The following ADGRL3 variants were observed in gnomAD, a reference collection of about 807,000 sequenced individuals.
ADGRL3 encodes calcium-independent alpha-latrotoxin receptor 3.
A neutral mutation model predicts 153.5 loss-of-function variants in ADGRL3; 62 were observed. The observed-to-expected ratio is 0.40, with a 90% CI of 0.33 to 0.50. ADGRL3 has a LOEUF of 0.50. Among genes scored for constraint, ADGRL3 ranks in the 20% least tolerant of loss-of-function variants. The pLI is 0.47. For missense variants in ADGRL3, 1,641 were observed against 1,859.4 expected (o/e 0.88, Z 2.16); for synonymous variants, 710 against 672.5 (o/e 1.06, Z -0.86).
intron 8 of ADGRL3, among the ~76,000 whole-genome samples, chr4:61,780,163 G>A (rs2097198244): frequency 6.6e-6 from 1 of 152,192 alleles, no homozygotes; most frequent in African/African-American, 2.4e-5. Context: ...AAGCACATCA[G>A]TTTGTTTTAG....
intron 1 of ADGRL3, among the ~76,000 whole-genome samples, chr4:61,205,637 A>G (rs1736788165): frequency 6.6e-6 from 1 of 152,226 alleles, no homozygotes; most frequent in Non-Finnish European, 1.5e-5. Flanking sequence ...ATTTCTTCAT[A>G]GAATAACCAA....
chr4:61,838,691 A>G (rs1427251907), intron 9 of ADGRL3, among the ~76,000 whole-genome samples: 1 of 152,224 alleles, frequency 6.6e-6, no homozygotes, highest in Non-Finnish European at 1.5e-5. Context: ...TATCATAAGA[A>G]AAATCATAAT....
At chr4:61,869,347 C>G (rs2098421748) in intron 9 of ADGRL3, among the ~76,000 whole-genome samples, 1 of 151,916 alleles carries the variant, frequency 6.6e-6, no homozygotes, top group Admixed American at 6.6e-5. Context: ...GCCTGTAATC[C>G]CAGCACTTTG....
intron 25 of ADGRL3, among the ~76,000 whole-genome samples, chr4:62,046,791 C>G (rs1249872809): frequency 6.6e-6 from 1 of 151,848 alleles, no homozygotes; most frequent in South Asian, 2.1e-4. Context: ...ATTTCTTAGT[C>G]CCCCTCAAGT....
chr4:61,773,907 A>G (rs1041262894), intron 8 of ADGRL3, among the ~76,000 whole-genome samples: 1 of 152,322 alleles, frequency 6.6e-6, no homozygotes, highest in Middle Eastern at 3.4e-3. Context: ...TTGTAAGGGC[A>G]GCAAATTGTG....
chr4:61,924,023 AC>A (rs2098782815), intron 13 of ADGRL3, among the ~76,000 whole-genome samples: 1 of 151,712 alleles, frequency 6.6e-6, no homozygotes, highest in Non-Finnish European at 1.5e-5. Flanking sequence ...GCCGTTGTCA[AC>A]CCCTCTCCTC....
At chr4:61,619,596 T>A (rs564920172) in intron 5 of ADGRL3, among the ~76,000 whole-genome samples, 1 of 152,176 alleles carries the variant, frequency 6.6e-6, no homozygotes, top group African/African-American at 2.4e-5. Flanking sequence ...TTGTTATACT[T>A]TCGATTTACA....
chr4:61,438,739 G>A (rs1231674061), intron 2 of ADGRL3, among the ~76,000 whole-genome samples: 4 of 142,024 alleles, frequency 2.8e-5, no homozygotes, highest in African/African-American at 5.3e-5. Context: ...ACGGAGTCTC[G>A]CTCTGTCGCC....
chr4:61,724,172 TATA>T (rs1481418123), intron 6 of ADGRL3, among the ~76,000 whole-genome samples: 1 of 152,220 alleles, frequency 6.6e-6, no homozygotes, highest in African/African-American at 2.4e-5. Flanking sequence ...GTGGTTATCA[TATA>T]GTAGTAACAA....
Position 61,583,571 on chromosome 4 carries a change from T to C in ADGRL3, c.260-3656T>C, listed in dbSNP as rs189415137. The C allele has an allele frequency of 5.9e-4, 285 of 482,860 alleles. 1 individual carries two copies. Among genetic ancestry groups the C allele is most frequent in the African/African-American group, 5.5e-3 (268 of 48,378 alleles). The allele number at this position is 482,860 out of a possible 1,614,324, so 29.9% of individuals were successfully genotyped here. A position where few individuals can be genotyped will look rare whatever the true frequency, so the allele number is the denominator to read the frequency against. On this transcript the variant is annotated intron_variant, in intron 4 of 26. Transcript: ENST00000683033. ...TTATGTGCTTTCCTCACAGTTAATA[T>C]GTGATCAAAAGCACTTTTCACTAGC...
Position 61,711,495 on chromosome 4 carries a change from C to CACACAT in ADGRL3, c.584-19122_584-19121insTACACA, listed in dbSNP as rs1554009900. Among the ~76,000 whole-genome samples, 147 of 87,310 alleles carry CACACAT rather than the reference C, an allele frequency of 1.7e-3. 3 individuals are homozygous for CACACAT. Among genetic ancestry groups the CACACAT allele is most frequent in the Middle Eastern group, 6.5e-3 (1 of 154 alleles). The allele number at this position is 87,310 out of a possible 152,430, so 57.3% of individuals were successfully genotyped here. A position where few individuals can be genotyped will look rare whatever the true frequency, so the allele number is the denominator to read the frequency against. On this transcript the variant is annotated intron_variant, in intron 6 of 26. Coordinates refer to ENST00000683033, the MANE Select transcript of ADGRL3 (RefSeq NM_001387552.1). ...ATATATATATATATATATATATACA[C>CACACAT]ACACACACACACACACACAATAGCA... is the stretch of plus-strand genomic sequence containing the variant.
chr4:61,282,244 C>G (rs1255741655), intron 1 of ADGRL3, among the ~76,000 whole-genome samples: 4 of 151,984 alleles, frequency 2.6e-5, no homozygotes, highest in Non-Finnish European at 1.5e-5. Context: ...TTCATTCTTT[C>G]TCTAAAGTAT....
intron 1 of ADGRL3, among the ~76,000 whole-genome samples, chr4:61,355,208 G>T (rs2096140447): frequency 6.6e-6 from 1 of 152,050 alleles, no homozygotes; most frequent in African/African-American, 2.4e-5. Flanking sequence ...AATGCTGTCA[G>T]GTTCAAGTAA....
intron 5 of ADGRL3, among the ~76,000 whole-genome samples, chr4:61,655,786 T>G (rs558009921): frequency 1.3e-5 from 2 of 152,286 alleles, no homozygotes; most frequent in Admixed American, 1.3e-4. Flanking sequence ...CCAAATAAGA[T>G]TTGTTTTAGT....
In ADGRL3 at chr4:61,892,722, C is replaced by G; in HGVS notation, c.1547C>G (p.Thr516Ser). ...TTTSTTLRTT[T>S]LSPGRSTTPS... ...ACCAGTACCACCCTTCGGACCACAA[C>G]TTTGAGCCCAGGAAGGAGTACCACC... is the stretch of plus-strand genomic sequence containing the variant. The change falls in exon 10 of 27, where the codon ACT becomes AGT. Residue 516 changes from threonine to serine, a missense_variant. By Grantham distance (58) the Thr-to-Ser change is moderately conservative. Transcript: ENST00000683033. 1 of 1,613,926 alleles carries G rather than the reference C, an allele frequency of 6.2e-7. No homozygotes were observed. The highest frequency in any genetic ancestry group is 8.5e-7 in the Non-Finnish European group (1 of 1,179,842).
chr4:61,326,544 T>C (rs2095469432), intron 1 of ADGRL3, among the ~76,000 whole-genome samples: 1 of 151,746 alleles, frequency 6.6e-6, no homozygotes, highest in South Asian at 2.1e-4. Context: ...AATTTAATAT[T>C]GTGATTTTTT....
chr4:61,817,008 G>C (rs2097695479), intron 9 of ADGRL3, among the ~76,000 whole-genome samples: 1 of 152,132 alleles, frequency 6.6e-6, no homozygotes, highest in Non-Finnish European at 1.5e-5. Flanking sequence ...AACCTGACTG[G>C]GTGTGCATGT....
chr4:61,712,840 C>G (rs1453344085), intron 6 of ADGRL3, among the ~76,000 whole-genome samples: 3 of 152,096 alleles, frequency 2.0e-5, no homozygotes, highest in Admixed American at 1.3e-4. Context: ...CTTGATATGA[C>G]TCTCTCTGTA....
At chr4:61,775,676 G>C in intron 8 of ADGRL3, 1 of 1,500,018 alleles carries the variant, frequency 6.7e-7, no homozygotes, top group South Asian at 1.1e-5. Flanking sequence ...TACATCACAG[G>C]CTCATCACAG....
Sources: allele counts gnomAD v4.1 joint callset (sites outside exome capture counted in the v4.1 genomes callset), GRCh38; gene constraint gnomAD v4.1.1; transcripts MANE v1.5; gene names NCBI Gene and HGNC (gene_info 2026-07-23, HGNC 2026-07-21).